WWOX: variants seen among roughly 807,000 people sequenced by gnomAD.
WWOX encodes WW domain-containing oxidoreductase.
Under a neutral mutation model 46.2 loss-of-function variants are expected in WWOX, and 69 were observed. The ratio of observed to expected loss-of-function variants is 1.49; its 90% CI spans 1.23 to 1.82. The LOEUF is 1.82. WWOX is among the 40% of genes most tolerant of loss of function. The pLI, the probability that WWOX is intolerant of heterozygous loss-of-function variation, is 0.00. For missense variants in WWOX, 919 were observed against 542.6 expected (o/e 1.69, Z -6.89); for synonymous variants, 359 against 202.6 (o/e 1.77, Z -6.56).
chr16:78,521,873 A>T (rs1446123941), intron 8 of WWOX, among the ~76,000 whole-genome samples: 2 of 152,230 alleles, frequency 1.3e-5, no homozygotes, highest in African/African-American at 2.4e-5. Flanking sequence ...GGGGTGGCTC[A>T]TAGGAGAAGG....
At chr16:78,626,752 T>G (rs560589121) in intron 8 of WWOX, among the ~76,000 whole-genome samples, 2 of 152,330 alleles carry the variant, frequency 1.3e-5, no homozygotes, top group South Asian at 4.1e-4. Flanking sequence ...ATAAACTACT[T>G]GGAATTCTGC....
intron 8 of WWOX, among the ~76,000 whole-genome samples, chr16:78,777,023 G>A (rs965890791): frequency 1.3e-5 from 2 of 152,128 alleles, no homozygotes; most frequent in Admixed American, 6.5e-5. Context: ...GAGTATATGT[G>A]TTTTCAGATT....
At chr16:78,639,621 T>C (rs1005423086) in intron 8 of WWOX, among the ~76,000 whole-genome samples, 11 of 151,320 alleles carry the variant, frequency 7.3e-5, no homozygotes, top group Non-Finnish European at 2.9e-5. Flanking sequence ...TGGGGTGCAA[T>C]GGTATGATCT....
At chr16:79,081,333 T>G (rs1421233130) in intron 8 of WWOX, among the ~76,000 whole-genome samples, 1 of 152,108 alleles carries the variant, frequency 6.6e-6, no homozygotes, top group African/African-American at 2.4e-5. Context: ...CCAGCTAATT[T>G]TTATATTTTC....
intron 8 of WWOX, among the ~76,000 whole-genome samples, chr16:78,967,910 G>T (rs75551198): frequency 0.096 from 14,602 of 152,216 alleles, 755 homozygotes; most frequent in Middle Eastern, 0.2. Flanking sequence ...AGGGAACAGG[G>T]AGACAGGGAG....
intron 8 of WWOX, among the ~76,000 whole-genome samples, chr16:78,701,347 C>T (rs562385639): frequency 3.3e-5 from 5 of 152,158 alleles, no homozygotes; most frequent in East Asian, 3.9e-4. Context: ...ATAGTGCTGG[C>T]GTTTCAGGCT....
At chr16:78,221,282 C>G (rs1235181770) in intron 5 of WWOX, among the ~76,000 whole-genome samples, 1 of 152,080 alleles carries the variant, frequency 6.6e-6, no homozygotes, top group Non-Finnish European at 1.5e-5. Context: ...TTGGAGTAAA[C>G]TGTTCGTTGT....
At chr16:78,490,263 G>GAAGCATCAACC (rs1555548567) in intron 8 of WWOX, among the ~76,000 whole-genome samples, 1 of 151,810 alleles carries the variant, frequency 6.6e-6, no homozygotes, top group Admixed American at 6.6e-5. Flanking sequence ...AGCACCAACG[G>GAAGCATCAACC]AAGCCTTTTG....
chr16:78,275,699 G>A (rs963000588), intron 5 of WWOX, among the ~76,000 whole-genome samples: 4 of 152,174 alleles, frequency 2.6e-5, no homozygotes, highest in Non-Finnish European at 5.9e-5. Flanking sequence ...GAGGAGGTTG[G>A]GCCAGATTAA....
intron 8 of WWOX, among the ~76,000 whole-genome samples, chr16:78,623,574 A>G (rs8060362): frequency 0.026 from 3,891 of 152,026 alleles, 185 homozygotes; most frequent in African/African-American, 0.089. Flanking sequence ...CAGCGACTTG[A>G]GAGGCTGAGG....
At chr16:78,460,188 C>A (rs1295194736) in intron 8 of WWOX, among the ~76,000 whole-genome samples, 1 of 150,150 alleles carries the variant, frequency 6.7e-6, no homozygotes, top group Non-Finnish European at 1.5e-5. Context: ...AGTGCAGTGG[C>A]ACTATCTGGG....
At chr16:78,292,083 C>A (rs1176583841) in intron 5 of WWOX, among the ~76,000 whole-genome samples, 2 of 133,756 alleles carry the variant, frequency 1.5e-5, no homozygotes, top group Non-Finnish European at 3.3e-5. Context: ...TTTTTTTTTC[C>A]CTTGAGACAG....
chr16:78,296,497 CAT>C (rs941412522), intron 5 of WWOX, among the ~76,000 whole-genome samples: 3 of 150,454 alleles, frequency 2.0e-5, no homozygotes, highest in African/African-American at 7.3e-5. Flanking sequence ...ACCAGGAATT[CAT>C]ATATATATGT....
intron 5 of WWOX, among the ~76,000 whole-genome samples, chr16:78,205,002 T>C (rs2036347454): frequency 6.6e-6 from 1 of 152,202 alleles, no homozygotes; most frequent in Non-Finnish European, 1.5e-5. Flanking sequence ...TAATAAATAA[T>C]TATGAATGAA....
At chr16:78,722,580 G>A (rs1381970049) in intron 8 of WWOX, among the ~76,000 whole-genome samples, 2 of 151,926 alleles carry the variant, frequency 1.3e-5, no homozygotes, top group Non-Finnish European at 2.9e-5. Flanking sequence ...TCCAGTAGCT[G>A]TAGAATTTGT....
At chr16:78,887,062 T>C (rs2044473433) in intron 8 of WWOX, among the ~76,000 whole-genome samples, 1 of 87,228 alleles carries the variant, frequency 1.1e-5, no homozygotes, top group Non-Finnish European at 2.8e-5. Flanking sequence ...AGTCTGGCTA[T>C]ATGTGTGTGT....
rs376409155 is a variant in WWOX, at chr16:78,885,924, A to ATTTTT, written c.1057-325670_1057-325666dup. Among the ~76,000 whole-genome samples the ATTTTT allele has an allele frequency of 9.6e-5, 13 of 135,714 alleles. 2 individuals are homozygous for ATTTTT. The highest frequency in any genetic ancestry group is 7.8e-5 in the Non-Finnish European group (5 of 64,044). 89.0% of individuals were successfully genotyped at this position (135,714 alleles called of 152,430 possible). On this transcript the variant is annotated intron_variant, in intron 8 of 8. Coordinates refer to ENST00000566780, the MANE Select transcript of WWOX (RefSeq NM_016373.4). Reference sequence around the variant, plus strand: ...ATCCACGTACAGGGATGGGGATGGAATTTTTTTTTTTTTTTTTTGAGACAG... The same window carrying ATTTTT: ...ATCCACGTACAGGGATGGGGATGGAATTTTTTTTTTTTTTTTTTTTTTTGAGACAG...
intron 5 of WWOX, among the ~76,000 whole-genome samples, chr16:78,385,431 G>T (rs76254008): frequency 1.3e-5 from 2 of 152,102 alleles, no homozygotes; most frequent in African/African-American, 4.8e-5. Flanking sequence ...AACATGTATC[G>T]TTACAAACCT....
intron 8 of WWOX, among the ~76,000 whole-genome samples, chr16:78,673,640 T>G (rs576133267): frequency 2.8e-4 from 42 of 152,278 alleles, no homozygotes; most frequent in African/African-American, 9.4e-4. Context: ...AGATAAAAAT[T>G]AGATCATAAA....
Sources: gnomAD v4.1 joint callset for allele counts (sites outside exome capture counted in the v4.1 genomes callset) on GRCh38, gnomAD v4.1.1 for gene constraint, MANE v1.5 for transcripts, NCBI Gene and HGNC (gene_info 2026-07-23, HGNC 2026-07-21) for gene names.